Variants in GLG1 observed in about 807,000 individuals in gnomAD.
GLG1 encodes Golgi apparatus protein 1.
Under a neutral mutation model 160.5 loss-of-function variants are expected in GLG1, and 38 were observed. That is an observed-to-expected ratio of 0.24 (90% confidence interval 0.18 to 0.31). The LOEUF (loss-of-function observed/expected upper bound fraction) is 0.31. Ranked by LOEUF, GLG1 falls within the 10% of genes least tolerant of loss-of-function variation. The pLI is 1.00. For missense variants in GLG1, 1,373 were observed against 1,505.2 expected (o/e 0.91, Z 1.45); for synonymous variants, 644 against 543.4 (o/e 1.19, Z -2.57).
At chr16:74,475,847 A>C (rs2015374894) in intron 12 of GLG1, among the ~76,000 whole-genome samples, 1 of 152,170 alleles carries the variant, frequency 6.6e-6, no homozygotes, top group Non-Finnish European at 1.5e-5. Flanking sequence ...AATACCCCAA[A>C]CTTTTGGGAG....
chr16:74,574,066 C>T (rs909864897), intron 1 of GLG1, among the ~76,000 whole-genome samples: 3 of 152,120 alleles, frequency 2.0e-5, no homozygotes, highest in African/African-American at 4.8e-5. Context: ...CGTGTGCACG[C>T]GCACACATAC....
intron 1 of GLG1, among the ~76,000 whole-genome samples, chr16:74,590,637 A>G (rs906998291): frequency 2.7e-5 from 4 of 150,670 alleles, no homozygotes; most frequent in South Asian, 2.1e-4. Context: ...AAAAAAAAAA[A>G]AAAGAAATTA....
chr16:74,476,099 T>C (rs1163246621), intron 12 of GLG1, among the ~76,000 whole-genome samples: 1 of 152,056 alleles, frequency 6.6e-6, no homozygotes, highest in African/African-American at 2.4e-5. Context: ...CAAGAATTGC[T>C]TGAACCCGGG....
At chr16:74,544,438 A>G (rs530612999) in intron 1 of GLG1, among the ~76,000 whole-genome samples, 91 of 151,906 alleles carry the variant, frequency 6.0e-4, no homozygotes, top group African/African-American at 2.1e-3. Context: ...TTCGTGTGAG[A>G]ATCTCCTGCA....
At chr16:74,589,084 G>T (rs1441782065) in intron 1 of GLG1, among the ~76,000 whole-genome samples, 1 of 151,502 alleles carries the variant, frequency 6.6e-6, no homozygotes, top group Non-Finnish European at 1.5e-5. Flanking sequence ...TCTACAAAAA[G>T]AACAACAACA....
At position 74,492,772 on chromosome 16, in the gene GLG1, T is replaced by C. The variant is rs554003410; in HGVS notation, c.1234+185A>G. On this transcript the variant is annotated intron_variant, in intron 7 of 25. Coordinates refer to ENST00000422840, the MANE Select transcript of GLG1 (RefSeq NM_001145667.2). ...AGGCGGAGCTTGCAGTGAGCCGAGA[T>C]TGCGCCACTGCCCTCCAGCCTGGGC... is the stretch of plus-strand genomic sequence containing the variant. Among the ~76,000 whole-genome samples the C allele has an allele frequency of 2.1e-4, 31 of 150,972 alleles. No homozygotes were observed. The East Asian group carries it at 3.3e-3, about 16-fold the overall frequency.
intron 6 of GLG1, among the ~76,000 whole-genome samples, chr16:74,494,136 T>C (rs1260667285): frequency 2.0e-5 from 3 of 150,784 alleles, no homozygotes; most frequent in Non-Finnish European, 4.4e-5. Context: ...ATCATGCCAC[T>C]GCACCCCAGC....
chr16:74,495,021 T>C (rs1022591490), intron 5 of GLG1, among the ~76,000 whole-genome samples, 190 bp from the exon 6 acceptor site: 2 of 151,622 alleles, frequency 1.3e-5, no homozygotes, highest in African/African-American at 4.8e-5. Context: ...ACGAAAAAAA[T>C]ATTCCCATGA....
intron 1 of GLG1, among the ~76,000 whole-genome samples, chr16:74,599,280 A>T (rs1958381857): frequency 6.6e-6 from 1 of 152,174 alleles, no homozygotes; most frequent in Admixed American, 6.6e-5. Context: ...AAACATTTTC[A>T]AGTTCTCTAT....
At chr16:74,528,811 CAAAAAAAAAAAA>C (rs35777516) in intron 2 of GLG1, among the ~76,000 whole-genome samples, 1 of 62,794 alleles carries the variant, frequency 1.6e-5, no homozygotes, top group Admixed American at 2.5e-4. Flanking sequence ...GATTCTGTCT[CAAAAAAAAAAAA>C]AAAAAAAAAA....
intron 1 of GLG1, among the ~76,000 whole-genome samples, chr16:74,569,776 T>A (rs2018771713): frequency 6.8e-6 from 1 of 146,450 alleles, no homozygotes; most frequent in African/African-American, 2.5e-5. Context: ...AGCAGGAGAA[T>A]CACTTGAACC....
rs752310258 is a variant in GLG1, at chr16:74,465,718, C to G, written c.2625G>C (p.Glu875Asp). The change falls in exon 19 of 26, where the codon GAG becomes GAC. Residue 875 changes from glutamate (E) to aspartate (D), a missense_variant. Physicochemically the swap from Glu to Asp is conservative, Grantham distance 45. Transcript: ENST00000422840. ...KLQETEMMDP[E>D]LDYTLMRVCK... ...AGACCCTCATGAGGGTGTAGTCTAG[C>G]TCTGGGTCCATCATCTCTGTCTCCT... is the stretch of plus-strand genomic sequence containing the variant. 6.2e-7 allele frequency: 1 copy of G among 1,614,006 alleles called. No individual in the cohort carries two copies. The highest frequency in any genetic ancestry group is 1.3e-5 in the African/African-American group (1 of 75,020).
intron 1 of GLG1, among the ~76,000 whole-genome samples, chr16:74,580,036 C>G (rs1319328033): frequency 6.6e-6 from 1 of 152,170 alleles, no homozygotes; most frequent in African/African-American, 2.4e-5. Context: ...GCACTCCAGG[C>G]TGGGTGACAG....
chr16:74,522,598 T>C (rs2017202512), intron 2 of GLG1, among the ~76,000 whole-genome samples: 1 of 152,238 alleles, frequency 6.6e-6, no homozygotes, highest in East Asian at 1.9e-4. Flanking sequence ...CTTCTTTACA[T>C]ATTCTGGATA....
chr16:74,577,171 C>T (rs1278883074), intron 1 of GLG1, among the ~76,000 whole-genome samples: 1 of 152,170 alleles, frequency 6.6e-6, no homozygotes, highest in Non-Finnish European at 1.5e-5. Context: ...AGAGATCCTC[C>T]CACCTTGGCC....
chr16:74,563,936 T>C (rs1179297593), intron 1 of GLG1, among the ~76,000 whole-genome samples: 3 of 152,132 alleles, frequency 2.0e-5, no homozygotes, highest in African/African-American at 4.8e-5. Flanking sequence ...TTTATTTTTA[T>C]TCTTTGAGAC....
chr16:74,457,801 T>A, intron 24 of GLG1, 73 bp downstream of exon 24: 1 of 1,415,758 alleles, frequency 7.1e-7, no homozygotes. Context: ...TAGCTGCAAC[T>A]GATGTCTAAG....
At chr16:74,546,583 C>A (rs1291535206) in intron 1 of GLG1, among the ~76,000 whole-genome samples, 1 of 151,726 alleles carries the variant, frequency 6.6e-6, no homozygotes, top group Non-Finnish European at 1.5e-5. Context: ...ACACCTGTAA[C>A]CCCAGCACTT....
intron 1 of GLG1, among the ~76,000 whole-genome samples, chr16:74,579,365 G>GA (rs397823247): frequency 7.1e-5 from 1 of 14,148 alleles, no homozygotes; most frequent in African/African-American, 8.0e-4. Flanking sequence ...GCAGTGAGCC[G>GA]TGATTGTGCC....
Sources: allele counts gnomAD v4.1 joint callset (sites outside exome capture counted in the v4.1 genomes callset), GRCh38; gene constraint gnomAD v4.1.1; transcripts MANE v1.5; gene names NCBI Gene and HGNC (gene_info 2026-07-23, HGNC 2026-07-21).